The following UBE2E2 variants were observed in gnomAD, a reference collection of about 807,000 sequenced individuals.
UBE2E2 encodes ubiquitin-conjugating enzyme E2 E2.
UBE2E2 carries 6 observed loss-of-function variants against 24.7 expected under a neutral mutation model. That is an observed-to-expected ratio of 0.24 (90% CI 0.13 to 0.48). UBE2E2 has a LOEUF of 0.48. Ranked by LOEUF, UBE2E2 falls within the 20% of genes least tolerant of loss-of-function variation. The pLI is 0.99. For synonymous variants in UBE2E2, 104 were observed against 83.6 expected (o/e 1.24, Z -1.33); for missense variants, 169 against 245.0 (o/e 0.69, Z 2.07).
At chr3:23,406,207 A>ATC (rs1165222354) in intron 3 of UBE2E2, among the ~76,000 whole-genome samples, 3 of 152,182 alleles carry the variant, frequency 2.0e-5, no homozygotes, top group African/African-American at 7.2e-5. Flanking sequence ...TTGTTAATGG[A>ATC]TCTCCCAGTT....
intron 3 of UBE2E2, among the ~76,000 whole-genome samples, chr3:23,296,927 A>G (rs1698927229): frequency 6.6e-6 from 1 of 152,234 alleles, no homozygotes; most frequent in Non-Finnish European, 1.5e-5. Context: ...TCCCACCAAC[A>G]GTGTAAAAGT....
At chr3:23,421,599 G>A (rs548092517) in intron 3 of UBE2E2, among the ~76,000 whole-genome samples, 1 of 152,232 alleles carries the variant, frequency 6.6e-6, no homozygotes, top group East Asian at 1.9e-4. Flanking sequence ...GTAGAGATGG[G>A]GTTTCACCAT....
At chr3:23,320,600 A>G (rs564201872) in intron 3 of UBE2E2, among the ~76,000 whole-genome samples, 9 of 152,304 alleles carry the variant, frequency 5.9e-5, no homozygotes, top group African/African-American at 2.2e-4. Context: ...TTTAGTTAAC[A>G]TAATGTTTTA....
At chr3:23,564,723 CCTGTTACTGGT>C (rs1337107112) in intron 5 of UBE2E2, among the ~76,000 whole-genome samples, 1 of 152,196 alleles carries the variant, frequency 6.6e-6, no homozygotes, top group Non-Finnish European at 1.5e-5. Context: ...GTGCTTTCCA[CCTGTTACTGGT>C]CTGCGCGGTC....
At chr3:23,524,311 A>G (rs2125477899) in intron 4 of UBE2E2, among the ~76,000 whole-genome samples, 1 of 152,250 alleles carries the variant, frequency 6.6e-6, no homozygotes, top group East Asian at 1.9e-4. Context: ...CCTATACCTT[A>G]AAGTGATGCA....
intron 3 of UBE2E2, among the ~76,000 whole-genome samples, chr3:23,353,147 T>A (rs776377748): frequency 2.8e-4 from 43 of 152,192 alleles, no homozygotes; most frequent in Non-Finnish European, 5.4e-4. Flanking sequence ...CATGATTATC[T>A]CAATATATGC....
intron 3 of UBE2E2, chr3:23,389,619 T>TG (rs1218773569): frequency 1.5e-5 from 4 of 264,834 alleles, no homozygotes; most frequent in South Asian, 8.0e-5. Context: ...GTCTACATCC[T>TG]GGGGGGCTTT....
intron 3 of UBE2E2, among the ~76,000 whole-genome samples, chr3:23,230,123 C>T (rs1016969503): frequency 6.6e-6 from 1 of 152,100 alleles, no homozygotes; most frequent in Non-Finnish European, 1.5e-5. Context: ...TCTAAGGACT[C>T]TTAAATATTG....
chr3:23,524,049 A>G (rs546705978), intron 4 of UBE2E2, among the ~76,000 whole-genome samples: 1 of 152,202 alleles, frequency 6.6e-6, no homozygotes, highest in African/African-American at 2.4e-5. Flanking sequence ...GCAAGGCACC[A>G]TTTATGTCCT....
chr3:23,560,688 G>A (rs1695906320), intron 5 of UBE2E2, among the ~76,000 whole-genome samples: 1 of 152,052 alleles, frequency 6.6e-6, no homozygotes, highest in Non-Finnish European at 1.5e-5. Context: ...CACCAACAGT[G>A]TAAAAGCATT....
intron 3 of UBE2E2, among the ~76,000 whole-genome samples, chr3:23,339,105 G>A (rs1380271188): frequency 2.0e-5 from 3 of 152,224 alleles, no homozygotes; most frequent in Admixed American, 2.0e-4. Context: ...TGCATTTTCT[G>A]ATATGATGTA....
chr3:23,393,562 C>T (rs1697003928), intron 3 of UBE2E2, among the ~76,000 whole-genome samples: 1 of 152,104 alleles, frequency 6.6e-6, no homozygotes, highest in South Asian at 2.1e-4. Context: ...GATTTGAATG[C>T]ACAGTAAAGT....
intron 3 of UBE2E2, among the ~76,000 whole-genome samples, chr3:23,390,987 A>G (rs1276130863): frequency 1.3e-5 from 2 of 152,272 alleles, no homozygotes. Flanking sequence ...AATAATGGTT[A>G]TATAACAACT....
intron 3 of UBE2E2, among the ~76,000 whole-genome samples, chr3:23,267,524 A>G (rs1342013659): frequency 1.3e-5 from 2 of 152,164 alleles, no homozygotes; most frequent in Non-Finnish European, 2.9e-5. Context: ...GAATCTCTGA[A>G]TAGACCAATA....
chr3:23,344,821 TA>T (rs35630756), intron 3 of UBE2E2, among the ~76,000 whole-genome samples: 78,750 of 147,300 alleles, frequency 0.53, 20,902 homozygotes, highest in Admixed American at 0.65. Flanking sequence ...CAGTCTGTAT[TA>T]AAAAAAAAAA....
chr3:23,371,969 T>A (rs914525015), intron 3 of UBE2E2, among the ~76,000 whole-genome samples: 1 of 151,894 alleles, frequency 6.6e-6, no homozygotes, highest in African/African-American at 2.4e-5. Context: ...AATATAAAAA[T>A]TAGCCGGCTG....
chr3:23,512,210 T>C (rs1694612321), intron 4 of UBE2E2, among the ~76,000 whole-genome samples: 1 of 137,260 alleles, frequency 7.3e-6, no homozygotes, highest in East Asian at 2.2e-4. Flanking sequence ...TTTTTTTTTT[T>C]CTATTTATTT....
intron 5 of UBE2E2, among the ~76,000 whole-genome samples, chr3:23,585,164 T>C (rs1696590504): frequency 6.6e-6 from 1 of 151,882 alleles, no homozygotes; most frequent in Admixed American, 6.6e-5. Context: ...CACTTGAAGC[T>C]AGGAATTTAA....
chr3:23,475,528 C>G (rs1318033081), intron 3 of UBE2E2, among the ~76,000 whole-genome samples: 1 of 151,998 alleles, frequency 6.6e-6, no homozygotes, highest in Non-Finnish European at 1.5e-5. Context: ...TCACTGCTAT[C>G]AGGGTGATCT....
Sources: allele counts gnomAD v4.1 joint callset (sites outside exome capture counted in the v4.1 genomes callset), GRCh38; gene constraint gnomAD v4.1.1; transcripts MANE v1.5; gene names NCBI Gene and HGNC (gene_info 2026-07-23, HGNC 2026-07-21).